The following FBXL17 variants were observed in gnomAD, a reference collection of about 807,000 sequenced individuals.
The protein encoded by FBXL17 is F-box/LRR-repeat protein 17.
In FBXL17, 22 loss-of-function variants were observed where a neutral mutation model predicts 66.2. That is an observed-to-expected ratio of 0.33 (90% confidence interval 0.24 to 0.47). The LOEUF (loss-of-function observed/expected upper bound fraction) is 0.47, where lower values mean the gene tolerates loss of function less well. Ranked by LOEUF, FBXL17 falls within the 20% of genes least tolerant of loss-of-function variation. The probability of loss-of-function intolerance (pLI) is 1.00; values close to 1 mark genes in which losing one functional copy is unlikely to be tolerated. For synonymous variants in FBXL17, 474 were observed against 400.5 expected (o/e 1.18, Z -2.19); for missense variants, 878 against 948.2 (o/e 0.93, Z 0.97).
At chr5:108,188,518 T>C (rs368050788) in intron 5 of FBXL17, among the ~76,000 whole-genome samples, 3 of 152,148 alleles carry the variant, frequency 2.0e-5, no homozygotes, top group African/African-American at 7.2e-5. Context: ...AGCAAAGAAA[T>C]GGGTTCTTAC....
intron 8 of FBXL17, chr5:107,878,994 A>C (rs973322748): frequency 1.0e-6 from 1 of 985,366 alleles, no homozygotes; most frequent in Non-Finnish European, 1.2e-6. Context: ...TCAGGGATAC[A>C]GCTAATCTGA....
intron 4 of FBXL17, among the ~76,000 whole-genome samples, chr5:108,291,756 A>ATG (rs140633967): frequency 0.018 from 2,797 of 152,210 alleles, 80 homozygotes; most frequent in African/African-American, 0.062. Context: ...TCCCAAAACT[A>ATG]TGTCCTCTTT....
At chr5:108,195,367 C>G (rs1224541581) in intron 5 of FBXL17, among the ~76,000 whole-genome samples, 1 of 152,036 alleles carries the variant, frequency 6.6e-6, no homozygotes, top group Admixed American at 6.6e-5. Flanking sequence ...AGGCTGATAT[C>G]TGGGGCAAGA....
At chr5:108,215,078 T>C (rs984796388) in intron 5 of FBXL17, among the ~76,000 whole-genome samples, 2 of 152,224 alleles carry the variant, frequency 1.3e-5, no homozygotes, top group African/African-American at 4.8e-5. Flanking sequence ...TTCCTCTGTA[T>C]GAATATACCA....
chr5:108,281,970 A>T (rs1384082472), intron 4 of FBXL17, among the ~76,000 whole-genome samples: 1 of 151,844 alleles, frequency 6.6e-6, no homozygotes, highest in Non-Finnish European at 1.5e-5. Flanking sequence ...GAAAAAATAG[A>T]AAACCTGAAC....
intron 7 of FBXL17, among the ~76,000 whole-genome samples, chr5:107,968,189 C>T (rs1752228044): frequency 6.6e-6 from 1 of 151,826 alleles, no homozygotes; most frequent in Admixed American, 6.6e-5. Flanking sequence ...CCTTGGAGTC[C>T]CTATTTTCAG....
intron 7 of FBXL17, among the ~76,000 whole-genome samples, chr5:107,924,389 T>C (rs942085180): frequency 2.6e-5 from 4 of 152,122 alleles, no homozygotes; most frequent in Non-Finnish European, 5.9e-5. Flanking sequence ...TTAGAAAATA[T>C]TTATTACATG....
At chr5:107,930,303 C>T (rs2112573826) in intron 7 of FBXL17, among the ~76,000 whole-genome samples, 1 of 152,276 alleles carries the variant, frequency 6.6e-6, no homozygotes, top group Non-Finnish European at 1.5e-5. Context: ...ACCAAACTCT[C>T]TCCCCTCTGC....
chr5:108,206,408 C>T (rs553897177), intron 5 of FBXL17, among the ~76,000 whole-genome samples: 31 of 152,238 alleles, frequency 2.0e-4, no homozygotes, highest in African/African-American at 7.2e-4. Flanking sequence ...AAAGACTGCA[C>T]ATACATATTT....
chr5:107,965,806 A>C (rs988872055), intron 7 of FBXL17, among the ~76,000 whole-genome samples: 2 of 152,188 alleles, frequency 1.3e-5, no homozygotes. Flanking sequence ...GTACAGATAC[A>C]TAATTACTGG....
At chr5:107,900,201 T>C (rs1395458373) in intron 7 of FBXL17, among the ~76,000 whole-genome samples, 1 of 152,174 alleles carries the variant, frequency 6.6e-6, no homozygotes, top group African/African-American at 2.4e-5. Context: ...CTTGATTCAG[T>C]TGGTCTTTTA....
At chr5:108,139,016 C>A (rs1031424809) in intron 6 of FBXL17, among the ~76,000 whole-genome samples, 5 of 152,132 alleles carry the variant, frequency 3.3e-5, no homozygotes, top group African/African-American at 1.2e-4. Context: ...CAGGAGTAAT[C>A]TTGTATTCAT....
intron 6 of FBXL17, among the ~76,000 whole-genome samples, chr5:108,155,632 T>C (rs998630346): frequency 2.0e-5 from 3 of 152,212 alleles, no homozygotes; most frequent in African/African-American, 7.2e-5. Flanking sequence ...ATCCCTGGAA[T>C]GCTTAGTAAG....
intron 7 of FBXL17, among the ~76,000 whole-genome samples, chr5:107,950,247 G>T (rs1239648884): frequency 1.3e-5 from 2 of 151,812 alleles, no homozygotes; most frequent in Non-Finnish European, 2.9e-5. Context: ...GCAAATTTCC[G>T]GGATCACTTT....
intron 8 of FBXL17, chr5:107,880,797 TAC>T: frequency 7.4e-7 from 1 of 1,351,776 alleles, no homozygotes; most frequent in South Asian, 2.3e-5. Context: ...TGTATATGAT[TAC>T]TTTTTCTTTC....
chr5:107,978,165 T>G (rs1252711200), intron 7 of FBXL17, among the ~76,000 whole-genome samples: 1 of 152,190 alleles, frequency 6.6e-6, no homozygotes, highest in Non-Finnish European at 1.5e-5. Context: ...GCAAAGATTA[T>G]GACAGTGAGA....
intron 6 of FBXL17, among the ~76,000 whole-genome samples, chr5:108,055,608 CAA>C (rs55653715): frequency 1.5e-3 from 77 of 51,130 alleles, no homozygotes; most frequent in African/African-American, 4.1e-3. Flanking sequence ...GACTCTGTCT[CAA>C]AAAAAAAAAA....
rs1749912914 is a variant in FBXL17 at position 108,381,432 on chromosome 5, C to G, written c.260G>C (p.Arg87Pro). ...GGAGGCGGCAGCGTAGGCCCCGTCC[C>G]GCGGCGGCGGCGAGAGCGGCGGCTC... The part of the protein sequence containing the change: ...EEEPPLSPPP[R>P]DGAYAAASSS... The change falls in exon 1 of 9, where the codon CGG becomes CCG. Residue 87 changes from arginine to proline, a missense_variant. Around this residue, in one of 4 missense-constraint regions of FBXL17, gnomAD observed 605 missense variants for 509.5 expected, o/e 1.19. Transcript: ENST00000542267. 14 of 1,315,692 alleles carry G rather than the reference C, an allele frequency of 1.1e-5. No individual in the cohort carries two copies. Among genetic ancestry groups the G allele is most frequent in the African/African-American group, 1.5e-5 (1 of 64,638 alleles). 81.5% of individuals were successfully genotyped at this position (1,315,692 alleles called of 1,614,324 possible).
chr5:108,016,546 C>A (rs1029822787), intron 7 of FBXL17, among the ~76,000 whole-genome samples: 1 of 152,068 alleles, frequency 6.6e-6, no homozygotes, highest in Non-Finnish European at 1.5e-5. Flanking sequence ...TTACAACTGC[C>A]CCCTGACACA....
Sources: gnomAD v4.1 joint callset for allele counts (sites outside exome capture counted in the v4.1 genomes callset) on GRCh38, gnomAD v4.1.1 for gene constraint, gnomAD v4.1.1 regional missense constraint, MANE v1.5 for transcripts, NCBI Gene and HGNC (gene_info 2026-07-23, HGNC 2026-07-21) for gene names.